Variants in EYA4 observed in about 807,000 individuals in gnomAD.
EYA4 encodes protein phosphatase EYA4.
Under a neutral mutation model 87.9 loss-of-function variants are expected in EYA4, and 31 were observed. That is an observed-to-expected ratio of 0.35 (90% CI 0.27 to 0.48). The LOEUF (loss-of-function observed/expected upper bound fraction) is 0.48. Among genes scored for constraint, EYA4 ranks in the 20% least tolerant of loss-of-function variants. The probability of loss-of-function intolerance (pLI) is 0.99; values close to 1 mark genes in which losing one functional copy is unlikely to be tolerated. For missense variants in EYA4, 678 were observed against 761.4 expected (o/e 0.89, Z 1.29); for synonymous variants, 263 against 270.6 (o/e 0.97, Z 0.28).
chr6:133,373,087 G>T lies in EYA4; in HGVS notation c.34-9305G>T, dbSNP rs531011162. On this transcript the variant is annotated intron_variant, in intron 2 of 19. Transcript: ENST00000355286. Reference sequence around the variant, plus strand: ...ATTATTGTTCAAATTGAAAAGGTTAGTTGTCATTTTTACTTAATAGGTAAA... The same window carrying T: ...ATTATTGTTCAAATTGAAAAGGTTATTTGTCATTTTTACTTAATAGGTAAA... Among the ~76,000 whole-genome samples, 165 of 152,160 alleles carry T rather than the reference G, an allele frequency of 1.1e-3. 1 individual carries two copies. The highest frequency in any genetic ancestry group is 3.7e-3 in the African/African-American group (153 of 41,548).
At chr6:133,319,658 GT>G (rs1437267315) in intron 2 of EYA4, among the ~76,000 whole-genome samples, 2 of 149,222 alleles carry the variant, frequency 1.3e-5, no homozygotes, top group African/African-American at 2.5e-5. Flanking sequence ...GCGTGATTTT[GT>G]TTTAAGGGTG....
chr6:133,443,832 G>A (rs1449436862), intron 3 of EYA4, among the ~76,000 whole-genome samples: 1 of 151,882 alleles, frequency 6.6e-6, no homozygotes, highest in Admixed American at 6.6e-5. Flanking sequence ...TTTTTTATAT[G>A]TCTTATTACC....
chr6:133,296,044 GA>G (rs1778921065), intron 2 of EYA4, among the ~76,000 whole-genome samples: 1 of 152,194 alleles, frequency 6.6e-6, no homozygotes, highest in Non-Finnish European at 1.5e-5. Flanking sequence ...GGTGATCAGG[GA>G]AGGCTCCTTC....
chr6:133,486,745 C>T (rs1211933196), intron 13 of EYA4, among the ~76,000 whole-genome samples: 1 of 151,976 alleles, frequency 6.6e-6, no homozygotes, highest in Admixed American at 6.6e-5. Context: ...TTCCAGTGTT[C>T]CAGGAATATG....
At chr6:133,365,446 A>T (rs1784786658) in intron 2 of EYA4, among the ~76,000 whole-genome samples, 1 of 152,190 alleles carries the variant, frequency 6.6e-6, no homozygotes, top group South Asian at 2.1e-4. Context: ...GAGTGACAAC[A>T]TGGAGAGGCC....
intron 3 of EYA4, among the ~76,000 whole-genome samples, chr6:133,408,521 A>G (rs1295859180): frequency 6.6e-6 from 1 of 152,236 alleles, no homozygotes; most frequent in Non-Finnish European, 1.5e-5. Flanking sequence ...TACAAAGGCA[A>G]TCTAGTAGAG....
chr6:133,283,326 G>A (rs967699233), intron 2 of EYA4, among the ~76,000 whole-genome samples: 1 of 151,728 alleles, frequency 6.6e-6, no homozygotes, highest in Non-Finnish European at 1.5e-5. Context: ...AAAATAAAAT[G>A]AAAATAATTT....
chr6:133,462,236 G>T, intron 7 of EYA4, 99 bp from the exon 8 acceptor site: 1 of 1,282,708 alleles, frequency 7.8e-7, no homozygotes, highest in South Asian at 1.2e-5. Flanking sequence ...GGATAAAGAG[G>T]ATTACTTCCT....
At chr6:133,271,386 C>T (rs569818462) in intron 1 of EYA4, among the ~76,000 whole-genome samples, 3 of 152,158 alleles carry the variant, frequency 2.0e-5, no homozygotes, top group South Asian at 4.2e-4. Flanking sequence ...AAAGTGAGTG[C>T]CTCGGTCAGA....
chr6:133,506,386 C>G, intron 14 of EYA4, 191 bp downstream of exon 14: 1 of 502,890 alleles, frequency 2.0e-6, no homozygotes, highest in South Asian at 2.3e-5. Flanking sequence ...ATGAATAATA[C>G]ATATGTAGAA....
chr6:133,318,979 A>T (rs528301689), intron 2 of EYA4, among the ~76,000 whole-genome samples: 3 of 152,226 alleles, frequency 2.0e-5, no homozygotes, highest in Non-Finnish European at 2.9e-5. Context: ...GAATCTGGTT[A>T]TAGGAGGCCA....
intron 2 of EYA4, among the ~76,000 whole-genome samples, chr6:133,371,244 G>A (rs1325065900): frequency 6.6e-6 from 1 of 152,166 alleles, no homozygotes; most frequent in Non-Finnish European, 1.5e-5. Context: ...CTGATTTACT[G>A]TTAGAGGTGG....
intron 2 of EYA4, among the ~76,000 whole-genome samples, chr6:133,320,116 T>C (rs1181824770): frequency 6.6e-6 from 1 of 152,072 alleles, no homozygotes; most frequent in Admixed American, 6.6e-5. Flanking sequence ...TCATATTCTA[T>C]TGAGTTTTCG....
chr6:133,435,880 C>CAA (rs1791620380), intron 3 of EYA4, among the ~76,000 whole-genome samples: 1 of 151,900 alleles, frequency 6.6e-6, no homozygotes, highest in Non-Finnish European at 1.5e-5. Flanking sequence ...CACACACACA[C>CAA]ACCCCCCCTC....
chr6:133,488,978 T>C (rs1796911345), intron 13 of EYA4, among the ~76,000 whole-genome samples: 6 of 152,158 alleles, frequency 3.9e-5, no homozygotes, highest in Admixed American at 3.3e-4. Context: ...GAATTCAAAA[T>C]AGCTTTTTTG....
At chr6:133,371,480 A>T (rs1785262090) in intron 2 of EYA4, among the ~76,000 whole-genome samples, 1 of 152,218 alleles carries the variant, frequency 6.6e-6, no homozygotes, top group African/African-American at 2.4e-5. Flanking sequence ...TCACTAAACC[A>T]CTAAAATGTT....
intron 14 of EYA4, among the ~76,000 whole-genome samples, chr6:133,509,716 A>T (rs1424537982): frequency 6.6e-6 from 1 of 152,240 alleles, no homozygotes; most frequent in African/African-American, 2.4e-5. Context: ...ACTGATAAAT[A>T]TCAGTGACCA....
At chr6:133,476,538 C>T (rs1446604160) in intron 11 of EYA4, among the ~76,000 whole-genome samples, 1 of 152,080 alleles carries the variant, frequency 6.6e-6, no homozygotes, top group Non-Finnish European at 1.5e-5. Flanking sequence ...TTTCACTTAA[C>T]ATAATGTTCT....
At chr6:133,403,528 A>T (rs1437823534) in intron 3 of EYA4, among the ~76,000 whole-genome samples, 1 of 152,224 alleles carries the variant, frequency 6.6e-6, no homozygotes, top group Non-Finnish European at 1.5e-5. Context: ...AAGATAGTAC[A>T]CATAGTATAT....
Sources: gnomAD v4.1 joint callset for allele counts (sites outside exome capture counted in the v4.1 genomes callset) on GRCh38, gnomAD v4.1.1 for gene constraint, MANE v1.5 for transcripts, NCBI Gene and HGNC (gene_info 2026-07-23, HGNC 2026-07-21) for gene names.